The following OSBPL5 variants were observed in gnomAD, a reference collection of about 807,000 sequenced individuals.
The protein encoded by OSBPL5 is oxysterol-binding protein-related protein 5.
OSBPL5 carries 71 observed loss-of-function variants against 111.2 expected under a neutral mutation model. The ratio of observed to expected loss-of-function variants is 0.64; its 90% CI spans 0.53 to 0.78. The LOEUF (loss-of-function observed/expected upper bound fraction) is 0.78, where lower values mean the gene tolerates loss of function less well. Ranked by LOEUF, OSBPL5 falls within the 30% of genes least tolerant of loss-of-function variation. The pLI is 0.00. For synonymous variants in OSBPL5, 549 were observed against 513.9 expected (o/e 1.07, Z -0.93); for missense variants, 1,210 against 1,189.3 (o/e 1.02, Z -0.26).
chr11:3,093,403 AG>A, intron 17 of OSBPL5, 123 bp downstream of exon 17: 1 of 1,418,390 alleles, frequency 7.1e-7, no homozygotes, highest in Non-Finnish European at 9.5e-7. Context: ...GGGGTGCACC[AG>A]GCCTGCCCTC....
rs779381821 is a variant in OSBPL5, at chr11:3,104,222, G to A, written c.1215C>T (p.Asp405=). 1 of 1,612,170 alleles carries A rather than the reference G, an allele frequency of 6.2e-7. No homozygotes were observed. The highest frequency in any genetic ancestry group is 1.1e-5 in the South Asian group (1 of 91,034). ...AGAGCAGGTCTGCGTGGTAGTAGTA[G>A]TCGGAGAGCTTGTTCAGGAAGGAGC... is the stretch of plus-strand genomic sequence containing the variant. ...EPRSFLNKLS[D]YYYHADLLSR... is the part of the protein sequence containing the mutation. Residue 405 remains aspartate, a synonymous_variant, in exon 10 of 22, where the codon GAC becomes GAT. Transcript: ENST00000263650. The surrounding 1 kb of genome is among the most constrained non-coding windows in gnomAD (Gnocchi z 5.0).
At position 3,101,707 on chromosome 11, in the gene OSBPL5, C is replaced by T. The variant is rs772098005; in HGVS notation, c.1426-8G>A. On this transcript the variant is annotated splice_region_variant and splice_polypyrimidine_tract_variant and intron_variant, in intron 12 of 21. Coordinates refer to ENST00000263650, the MANE Select transcript of OSBPL5 (RefSeq NM_020896.4). Reference sequence around the variant, plus strand: ...GGGCGGGTGGTGGGACACCTGCGTGCAGGGAGGCGGCTCTGTAAACAGCCC... The same window carrying T: ...GGGCGGGTGGTGGGACACCTGCGTGTAGGGAGGCGGCTCTGTAAACAGCCC... 11 of 1,611,262 alleles carry T rather than the reference C, an allele frequency of 6.8e-6. No homozygotes were observed. The African/African-American group carries it at 1.5e-4, about 22-fold the overall frequency.
intron 1 of OSBPL5, among the ~76,000 whole-genome samples, chr11:3,152,007 G>C (rs1846607895): frequency 6.6e-6 from 1 of 152,238 alleles, no homozygotes; most frequent in South Asian, 2.1e-4. Context: ...CAGCAGTACA[G>C]GTGGCCTTCA....
rs1285840888 is a variant in OSBPL5, at chr11:3,162,230, T to G, written c.-22+2986A>C. 6.6e-6 allele frequency among the ~76,000 whole-genome samples: 1 copy of G among 151,584 alleles called. No homozygotes were observed. Among genetic ancestry groups the G allele is most frequent in the African/African-American group, 2.4e-5 (1 of 41,176 alleles). ...ATGTGGAGCTCCAGGCAAGAGCTGG[T>G]AGGGCCAGGAGGGGAGTGGAGGCCA... On this transcript the variant is annotated intron_variant, in intron 1 of 21. Coordinates refer to ENST00000263650, the MANE Select transcript of OSBPL5 (RefSeq NM_020896.4). This position sits in a 1 kb window ranked among gnomAD's most constrained non-coding sequence, Gnocchi z 8.1.
rs1039534463 is a variant in OSBPL5 at position 3,128,888 on chromosome 11, A to G, written c.136+125T>C. 11 of 944,042 alleles carry G rather than the reference A, an allele frequency of 1.2e-5. No homozygotes were observed. The African/African-American group carries it at 1.6e-4, about 13-fold the overall frequency. 58.5% of individuals were successfully genotyped at this position (944,042 alleles called of 1,614,324 possible). A position where few individuals can be genotyped will look rare whatever the true frequency, so the allele number is the denominator to read the frequency against. ...CAAGCTACAAACCGTTTGATCATGA[A>G]ACCCACACAGTCCCCAGCATGGAAG... On this transcript the variant is annotated intron_variant, in intron 2 of 21. Coordinates refer to ENST00000263650, the MANE Select transcript of OSBPL5 (RefSeq NM_020896.4).
At position 3,134,076 on chromosome 11, in the gene OSBPL5, G is replaced by A. The variant is rs78055633; in HGVS notation, c.-21-4907C>T. 2.5e-3 allele frequency among the ~76,000 whole-genome samples: 385 copies of A among 152,296 alleles called. 5 individuals are homozygous for A. In the East Asian group the frequency reaches 0.028, roughly 11 times the overall value. On this transcript the variant is annotated intron_variant, in intron 1 of 21. Transcript: ENST00000263650. ...GGTGCAGGCCTGGAGCTCAGAAACA[G>A]GCAGGCGACAGGTGGGCCCGGAAGC...
At chr11:3,160,896 C>T (rs1420844469) in intron 1 of OSBPL5, 1 of 152,198 alleles carries the variant, frequency 6.6e-6, no homozygotes, top group Non-Finnish European at 1.5e-5. Context: ...TCCCGCCTTG[C>T]TCAGAAGCAC....
chr11:3,088,362 G>T lies in OSBPL5; in HGVS notation c.2502-19C>A. 1 of 1,526,018 alleles carries T rather than the reference G, an allele frequency of 6.6e-7. No homozygotes were observed. The highest frequency in any genetic ancestry group is 2.3e-4 in the Middle Eastern group (1 of 4,352). 94.5% of individuals were successfully genotyped at this position (1,526,018 alleles called of 1,614,324 possible). On this transcript the variant is annotated intron_variant, in intron 21 of 21. Coordinates refer to ENST00000263650, the MANE Select transcript of OSBPL5 (RefSeq NM_020896.4). ...GAGGTGCCTGCAAGGACAGGCGACA[G>T]ATCGTGGGGGCTGTGCCAATGCCAG...
chr11:3,101,682 G>A lies in OSBPL5; in HGVS notation c.1443C>T (p.Pro481=), dbSNP rs78184020. 5.4e-3 allele frequency: 8,740 copies of A among 1,613,740 alleles called. 29 individuals carry two copies. Among genetic ancestry groups the A allele is most frequent in the Middle Eastern group, 8.2e-3 (50 of 6,062 alleles). ...YIAEQVSHHP[P]VSAFHVSNRK... is the part of the protein sequence containing the mutation. ...GGTTGCTGACGTGGAAGGCAGACAC[G>A]GGCGGGTGGTGGGACACCTGCGTGC... Residue 481 remains proline, a synonymous_variant, in exon 13 of 22, where the codon CCC becomes CCT. Transcript: ENST00000263650.
At chr11:3,119,424 C>G in intron 7 of OSBPL5, 123 bp downstream of exon 7, 2 of 993,286 alleles carry the variant, frequency 2.0e-6, no homozygotes, top group Non-Finnish European at 2.8e-6. Context: ...GGCCAGACTT[C>G]AGGCTGCCCC....
intron 1 of OSBPL5, among the ~76,000 whole-genome samples, chr11:3,136,818 G>A (rs542435611): frequency 2.0e-5 from 3 of 152,362 alleles, no homozygotes; most frequent in African/African-American, 7.2e-5. Flanking sequence ...TCTGGCCACT[G>A]GGGTGCTCCA....
intron 2 of OSBPL5, among the ~76,000 whole-genome samples, chr11:3,128,639 T>TAGTTGAGAGGTCA (rs1858717613): frequency 6.6e-6 from 1 of 152,132 alleles, no homozygotes; most frequent in Admixed American, 6.5e-5. Context: ...AACTGAGGCC[T>TAGTTGAGAGGTCA]AGAGAGGTCA....
chr11:3,103,354 C>T (rs943266586), intron 10 of OSBPL5, 34 bp from the exon 11 acceptor site: 2 of 1,567,696 alleles, frequency 1.3e-6, no homozygotes, highest in Admixed American at 3.6e-5. Flanking sequence ...GACCCCAGCT[C>T]CGGGGGCCGT....
rs575705501 is a variant in OSBPL5 at position 3,117,997 on chromosome 11, T to C, written c.691+1550A>G. ...CCTTCCTCCTACTATTTTCTCTTCA[T>C]AGGACATGAGACTTCACAGCCTTCT... On this transcript the variant is annotated intron_variant, in intron 7 of 21. Coordinates refer to ENST00000263650, the MANE Select transcript of OSBPL5 (RefSeq NM_020896.4). Among the ~76,000 whole-genome samples the C allele has an allele frequency of 3.3e-5, 5 of 152,364 alleles. No individual in the cohort carries two copies. In the South Asian group the frequency reaches 6.2e-4, roughly 19 times the overall value.
Position 3,129,121 on chromosome 11 carries a change from G to T in OSBPL5, c.28C>A (p.Arg10Ser), listed in dbSNP as rs747214162. Residue 10 changes from arginine to serine, a missense_variant, in exon 2 of 22, where the codon CGC becomes AGC. Arg to Ser is a moderately radical substitution (Grantham distance 110, BLOSUM62 -1). Transcript: ENST00000263650. ...GAGGAAGGTGGACACAGGGAGAAGC[G>T]GCGCCGGAGGAAGGCCTCCTCCTTC... The part of the protein sequence containing the change: MKEEAFLRR[R>S]FSLCPPSSTP... 6 of 1,493,922 alleles carry T rather than the reference G, an allele frequency of 4.0e-6. No homozygotes were observed. The highest frequency in any genetic ancestry group is 5.4e-6 in the Non-Finnish European group (6 of 1,118,644). 92.5% of individuals were successfully genotyped at this position (1,493,922 alleles called of 1,614,324 possible).
chr11:3,103,857 TGC>T (rs879629708), intron 10 of OSBPL5, among the ~76,000 whole-genome samples: 2,715 of 109,244 alleles, frequency 0.025, 111 homozygotes, highest in South Asian at 0.032. Flanking sequence ...CTTTCCAGTC[TGC>T]GCAGCCCCCT....
intron 14 of OSBPL5, 102 bp downstream of exon 14, chr11:3,100,056 C>T (rs1280774193): frequency 4.0e-5 from 37 of 923,020 alleles, no homozygotes; most frequent in Admixed American, 7.7e-5. Context: ...CAGATGAAGG[C>T]GAAGTAAAGA....
At position 3,107,958 on chromosome 11, in the gene OSBPL5, C is replaced by T. The variant is rs759190102; in HGVS notation, c.692-13G>A. On this transcript the variant is annotated splice_polypyrimidine_tract_variant and intron_variant, in intron 7 of 21. Coordinates refer to ENST00000263650, the MANE Select transcript of OSBPL5 (RefSeq NM_020896.4). This position sits in a 1 kb window ranked among gnomAD's most constrained non-coding sequence, Gnocchi z 6.1. Reference sequence around the variant, plus strand: ...AGCCAGCAGCGACCTGCGGGGCACACGGGATGAGCATGCCCCACCCCCACC... The same window carrying T: ...AGCCAGCAGCGACCTGCGGGGCACATGGGATGAGCATGCCCCACCCCCACC... The T allele has an allele frequency of 9.5e-6, 15 of 1,575,828 alleles. No individual in the cohort carries two copies. Among genetic ancestry groups the T allele is most frequent in the African/African-American group, 7.7e-5 (5 of 64,894 alleles).
In OSBPL5 at chr11:3,162,407, C is replaced by T. The variant is rs565050887; in HGVS notation, c.-22+2809G>A. Among the ~76,000 whole-genome samples, 4 of 151,986 alleles carry T rather than the reference C, an allele frequency of 2.6e-5. No homozygotes were observed. The highest frequency in any genetic ancestry group is 5.9e-5 in the Non-Finnish European group (4 of 67,988). ...CAAGAAGGCTCATGTCCCACCCCCT[C>T]CCCATCTCCCACCTCAAGCCCTGGT... On this transcript the variant is annotated intron_variant, in intron 1 of 21. Coordinates refer to ENST00000263650, the MANE Select transcript of OSBPL5 (RefSeq NM_020896.4). The surrounding 1 kb of genome is among the most constrained non-coding windows in gnomAD (Gnocchi z 8.1).
Sources: allele counts gnomAD v4.1 joint callset (sites outside exome capture counted in the v4.1 genomes callset), GRCh38; gene constraint gnomAD v4.1.1; non-coding constraint Gnocchi (gnomAD v3.1); transcripts MANE v1.5; gene names NCBI Gene and HGNC (gene_info 2026-07-23, HGNC 2026-07-21).